The following EYA1 variants were observed in gnomAD, a reference collection of about 807,000 sequenced individuals.
EYA1 encodes the protein EYA transcriptional coactivator and phosphatase 1, also known as protein phosphatase EYA1.
In EYA1, 16 loss-of-function variants were observed where a neutral mutation model predicts 82.0. The observed-to-expected ratio is 0.20, with a 90% confidence interval of 0.13 to 0.30. The LOEUF is 0.30. Ranked by LOEUF, EYA1 falls within the 10% of genes least tolerant of loss-of-function variation. The probability of loss-of-function intolerance (pLI) is 1.00; values close to 1 mark genes in which losing one functional copy is unlikely to be tolerated. For missense variants in EYA1, 633 were observed against 730.7 expected, an observed-to-expected ratio of 0.87 and a Z score of 1.54; for synonymous variants, 261 against 264.4, an observed-to-expected ratio of 0.99 and a Z score of 0.12.
rs1318266388 is a variant in EYA1 at position 71,388,964 on chromosome 8, G to A, written c.34-32453C>T. ...CACACAAGTCCCTTGTAGACTAAAA[G>A]ACATAGAACATTCCTCTTCTGGGCC... On this transcript the variant is annotated intron_variant, in intron 2 of 18. Transcript: ENST00000643681. Among the ~76,000 whole-genome samples, 4 of 151,960 alleles carry A rather than the reference G, an allele frequency of 2.6e-5. No individual in the cohort carries two copies. In the East Asian group the frequency reaches 7.7e-4, roughly 29 times the overall value.
chr8:71,406,479 G>C (rs1296425332), intron 2 of EYA1, among the ~76,000 whole-genome samples: 1 of 152,218 alleles, frequency 6.6e-6, no homozygotes, highest in Non-Finnish European at 1.5e-5. Flanking sequence ...CATCTCACTA[G>C]GGAGTGCCAG....
intron 2 of EYA1, among the ~76,000 whole-genome samples, chr8:71,381,986 A>C (rs957605182): frequency 6.6e-6 from 1 of 152,240 alleles, no homozygotes; most frequent in African/African-American, 2.4e-5. Flanking sequence ...GTTTTACATC[A>C]GGCTAAGCAT....
At chr8:71,292,800 C>T (rs138533556) in intron 9 of EYA1, among the ~76,000 whole-genome samples, 22 of 151,868 alleles carry the variant, frequency 1.4e-4, no homozygotes, top group Admixed American at 7.2e-4. Flanking sequence ...ACAAAAACAG[C>T]GCTCAGGAGA....
chr8:71,490,805 T>G (rs538926397), intron 2 of EYA1, among the ~76,000 whole-genome samples: 86 of 152,326 alleles, frequency 5.6e-4, no homozygotes, highest in African/African-American at 2.0e-3. Context: ...GCAGAGAAGG[T>G]TGGTTGTAAC....
chr8:71,343,947 A>T (rs1825431978), intron 3 of EYA1, among the ~76,000 whole-genome samples: 2 of 152,218 alleles, frequency 1.3e-5, no homozygotes, highest in African/African-American at 4.8e-5. Context: ...TACACAGTGA[A>T]CACCTATAAA....
chr8:71,536,496 A>G (rs557048905), intron 1 of EYA1, among the ~76,000 whole-genome samples: 1 of 152,284 alleles, frequency 6.6e-6, no homozygotes, highest in African/African-American at 2.4e-5. Context: ...TATATTCTAC[A>G]TGTAGCTATC....
chr8:71,445,767 T>C (rs1283395130), intron 2 of EYA1, among the ~76,000 whole-genome samples: 1 of 152,096 alleles, frequency 6.6e-6, no homozygotes, highest in Admixed American at 6.5e-5. Context: ...GCCTACTGAG[T>C]AGCTGGGACT....
intron 7 of EYA1, among the ~76,000 whole-genome samples, 198 bp downstream of exon 7, chr8:71,317,354 C>T (rs1460949078): frequency 6.6e-6 from 1 of 152,136 alleles, no homozygotes; most frequent in Non-Finnish European, 1.5e-5. Context: ...TCCAGTCTAA[C>T]CCCCTGATGT....
At chr8:71,507,149 T>C (rs2129244837) in intron 2 of EYA1, among the ~76,000 whole-genome samples, 1 of 152,282 alleles carries the variant, frequency 6.6e-6, no homozygotes, top group East Asian at 1.9e-4. Flanking sequence ...ACACATATAG[T>C]TCTTAAAGCA....
upstream of EYA1, among the ~76,000 whole-genome samples, chr8:71,364,277 A>T (rs1419451729): frequency 6.6e-6 from 1 of 151,970 alleles, no homozygotes; most frequent in East Asian, 1.9e-4. Context: ...AAGCAAAATT[A>T]GATGGATTAA....
chr8:71,270,009 T>A (rs777567028), intron 10 of EYA1, among the ~76,000 whole-genome samples, 186 bp from the exon 11 acceptor site: 13 of 152,230 alleles, frequency 8.5e-5, no homozygotes, highest in Non-Finnish European at 1.9e-4. Context: ...TAACTTTGGA[T>A]GAGGTGCAAG....
At chr8:71,223,077 G>C (rs1810130441) in intron 12 of EYA1, among the ~76,000 whole-genome samples, 1 of 152,212 alleles carries the variant, frequency 6.6e-6, no homozygotes, top group African/African-American at 2.4e-5. Context: ...CCCAGAAGGA[G>C]AGCCACTGTA....
intron 2 of EYA1, among the ~76,000 whole-genome samples, chr8:71,487,330 T>G (rs929179460): frequency 2.6e-5 from 4 of 152,126 alleles, no homozygotes; most frequent in African/African-American, 9.7e-5. Context: ...ATGCAGATGA[T>G]CTCCAGAAGC....
intron 11 of EYA1, among the ~76,000 whole-genome samples, chr8:71,268,045 G>A (rs565349952): frequency 2.6e-5 from 4 of 152,302 alleles, no homozygotes; most frequent in African/African-American, 9.6e-5. Flanking sequence ...GCATTTCTAG[G>A]TTAAGTGTAA....
intron 1 of EYA1, among the ~76,000 whole-genome samples, chr8:71,358,928 T>G (rs755851065): frequency 6.6e-6 from 1 of 152,162 alleles, no homozygotes; most frequent in Non-Finnish European, 1.5e-5. Flanking sequence ...AGTTCACATT[T>G]TCTGCTTTAC....
chr8:71,308,692 C>T (rs1820994395), intron 7 of EYA1, among the ~76,000 whole-genome samples: 2 of 144,238 alleles, frequency 1.4e-5, no homozygotes, highest in Admixed American at 7.0e-5. Context: ...CCAGTTATAA[C>T]TTCAAAAAGC....
rs572950017 is a variant in EYA1, at chr8:71,287,758, G to A, written c.826+11289C>T. On this transcript the variant is annotated intron_variant, in intron 9 of 17. Coordinates refer to ENST00000340726, the MANE Select transcript of EYA1 (RefSeq NM_000503.6). ...TGAGGCCAGGGGCCTTGCCTTTCTT[G>A]TCACCCCCATATTCCCAGCACCAAG... 1.8e-4 allele frequency among the ~76,000 whole-genome samples: 28 copies of A among 152,304 alleles called. No individual in the cohort carries two copies. In the East Asian group the frequency reaches 1.9e-3, roughly 11 times the overall value.
intron 4 of EYA1, chr8:71,323,829 A>G (rs1822856349): frequency 6.6e-6 from 1 of 152,258 alleles, no homozygotes; most frequent in Admixed American, 6.5e-5. Flanking sequence ...ACTGCAGTTT[A>G]TAGAAGAGAG....
chr8:71,379,896 A>G (rs1401408350), intron 2 of EYA1, among the ~76,000 whole-genome samples: 1 of 152,224 alleles, frequency 6.6e-6, no homozygotes, highest in Non-Finnish European at 1.5e-5. Context: ...CCTAATCAAT[A>G]GAGACTGCTC....
Sources: allele counts gnomAD v4.1 joint callset (sites outside exome capture counted in the v4.1 genomes callset), GRCh38; gene constraint gnomAD v4.1.1; transcripts MANE v1.5; gene names NCBI Gene and HGNC (gene_info 2026-07-23, HGNC 2026-07-21).